Variants in SLC22A23 observed in about 807,000 individuals in gnomAD.
SLC22A23 encodes the protein ion transporter protein.
SLC22A23 carries 26 observed loss-of-function variants against 61.0 expected under a neutral mutation model. That is an observed-to-expected ratio of 0.43 (90% CI 0.31 to 0.59). SLC22A23 has a LOEUF of 0.59. SLC22A23 is among the 20% of genes least tolerant of loss of function. The pLI is 0.11. For synonymous variants in SLC22A23, 430 were observed against 413.9 expected (o/e 1.04, Z -0.47); for missense variants, 796 against 934.7 (o/e 0.85, Z 1.94).
intron 5 of SLC22A23, among the ~76,000 whole-genome samples, chr6:3,293,516 TCAGA>T (rs60793687): frequency 0.092 from 14,028 of 152,278 alleles, 816 homozygotes; most frequent in African/African-American, 0.15. Context: ...CGAAGTCACC[TCAGA>T]CAGCACAATC....
chr6:3,295,295 CA>C (rs1207204690), intron 5 of SLC22A23, among the ~76,000 whole-genome samples: 1 of 126,838 alleles, frequency 7.9e-6, no homozygotes, highest in Non-Finnish European at 1.5e-5. Context: ...AGGAGCTGGG[CA>C]AGGCAAGAGT....
rs80249313 is a variant in SLC22A23, at chr6:3,288,338, A to G, written c.1314-1247T>C. 3.8e-3 allele frequency among the ~76,000 whole-genome samples: 573 copies of G among 152,344 alleles called. 6 individuals carry two copies. Among genetic ancestry groups the G allele is most frequent in the African/African-American group, 0.013 (532 of 41,586 alleles). The stretch of plus-strand genomic sequence containing the variant: ...CCTTCTCATCTAACCTTGAGAATGC[A>G]TCAAGGTCAACTGTAACAGACCCCG... On this transcript the variant is annotated intron_variant, in intron 6 of 9. Coordinates refer to ENST00000406686, the MANE Select transcript of SLC22A23 (RefSeq NM_015482.2).
chr6:3,277,117 C>CAAGT (rs1758982830), intron 9 of SLC22A23: 1 of 152,452 alleles, frequency 6.6e-6, no homozygotes, highest in Non-Finnish European at 1.5e-5. Flanking sequence ...AGGGGCCACC[C>CAAGT]AAGTCTTTCA....
rs112065429 is a variant in SLC22A23, at chr6:3,273,105, C to T, written c.2011G>A (p.Gly671Ser). The T allele has an allele frequency of 2.6e-4, 412 of 1,597,822 alleles. 4 individuals are homozygous for T. In the African/African-American group the frequency reaches 4.5e-3, roughly 18 times the overall value. Reference protein sequence around the residue: ...YSGLHDAAAAGDTLPEGATAN... With the variant: ...YSGLHDAAAASDTLPEGATAN... The stretch of plus-strand genomic sequence containing the variant: ...GTGGCACCCTCGGGCAGTGTGTCAC[C>T]CGCGGCTGCGGCATCGTGGAGGCCC... The change falls in exon 10 of 10, where the codon GGT becomes AGT. Residue 671 changes from glycine to serine, a missense_variant. By Grantham distance (56) the Gly-to-Ser change is moderately conservative. Transcript: ENST00000406686.
chr6:3,402,552 C>A (rs1156267870), intron 3 of SLC22A23, among the ~76,000 whole-genome samples: 3 of 118,706 alleles, frequency 2.5e-5, no homozygotes, highest in Non-Finnish European at 3.6e-5. Context: ...CTGCAGCCCA[C>A]TCCAATCATC....
intron 3 of SLC22A23, among the ~76,000 whole-genome samples, chr6:3,361,189 ACTGT>A (rs1237914256): frequency 3.3e-5 from 5 of 150,962 alleles, no homozygotes; most frequent in African/African-American, 1.2e-4. Context: ...CACCCCCTCA[ACTGT>A]CTTTCTACTG....
intron 3 of SLC22A23, among the ~76,000 whole-genome samples, chr6:3,368,799 T>C (rs1330447987): frequency 6.6e-6 from 1 of 152,112 alleles, no homozygotes; most frequent in Non-Finnish European, 1.5e-5. Flanking sequence ...GGAAGTCCAA[T>C]CAGGCCAGGC....
chr6:3,377,640 C>T (rs1766663257), intron 3 of SLC22A23, among the ~76,000 whole-genome samples: 1 of 147,290 alleles, frequency 6.8e-6, no homozygotes, highest in African/African-American at 2.5e-5. Context: ...CTCCAAGTCT[C>T]GCACTGAACG....
chr6:3,432,710 A>G (rs904645701), intron 1 of SLC22A23, among the ~76,000 whole-genome samples: 1 of 152,226 alleles, frequency 6.6e-6, no homozygotes, highest in African/African-American at 2.4e-5. Flanking sequence ...AGTGGCTGGC[A>G]AACTTGAAGC....
Position 3,329,762 on chromosome 6 carries a change from T to C in SLC22A23, c.914-5760A>G, listed in dbSNP as rs1313089693. Among the ~76,000 whole-genome samples the C allele has an allele frequency of 2.0e-5, 3 of 152,168 alleles. No homozygotes were observed. The highest frequency in any genetic ancestry group is 2.0e-4 in the Admixed American group (3 of 15,282). On this transcript the variant is annotated intron_variant, in intron 3 of 9. Transcript: ENST00000406686. This position sits in a 1 kb window ranked among gnomAD's most constrained non-coding sequence, Gnocchi z 4.8. ...TACTGAAGCCACGGAAGGCTTCCTATGTGTCGCTGGCCTCACAGACATGAG... is the reference window on the plus strand; with the variant it reads ...TACTGAAGCCACGGAAGGCTTCCTACGTGTCGCTGGCCTCACAGACATGAG...
intron 1 of SLC22A23, among the ~76,000 whole-genome samples, chr6:3,448,539 C>T (rs979976925): frequency 6.6e-6 from 1 of 152,060 alleles, no homozygotes; most frequent in Non-Finnish European, 1.5e-5. Flanking sequence ...GTCCCCCAGA[C>T]AGTTAGTGCA....
chr6:3,344,525 TG>T (rs1349812638), intron 3 of SLC22A23, among the ~76,000 whole-genome samples: 1 of 152,198 alleles, frequency 6.6e-6, no homozygotes, highest in Non-Finnish European at 1.5e-5. Flanking sequence ...GTTAAGAACC[TG>T]GGCTCTGGGG....
chr6:3,363,751 T>C (rs1342483362), intron 3 of SLC22A23, among the ~76,000 whole-genome samples: 1 of 152,244 alleles, frequency 6.6e-6, no homozygotes, highest in African/African-American at 2.4e-5. Flanking sequence ...GGTATTTTTC[T>C]GGGGTGGTGG....
intron 4 of SLC22A23, chr6:3,323,188 G>A: frequency 2.2e-6 from 1 of 453,932 alleles, no homozygotes; most frequent in East Asian, 6.9e-5. Context: ...ATATTAGACT[G>A]ATATTGAGCA....
chr6:3,356,646 G>C (rs1320051336), intron 3 of SLC22A23, among the ~76,000 whole-genome samples: 1 of 152,170 alleles, frequency 6.6e-6, no homozygotes, highest in Non-Finnish European at 1.5e-5. Context: ...TAAGCCTGAA[G>C]CTTTGTTGTA....
intron 1 of SLC22A23, among the ~76,000 whole-genome samples, chr6:3,434,522 T>C (rs1422636240): frequency 6.6e-6 from 1 of 151,414 alleles, no homozygotes; most frequent in African/African-American, 2.4e-5. Context: ...GGCAGGAGAA[T>C]CGCTTGAATC....
chr6:3,393,814 G>T (rs1028740445), intron 3 of SLC22A23, among the ~76,000 whole-genome samples: 3 of 152,166 alleles, frequency 2.0e-5, no homozygotes, highest in African/African-American at 7.2e-5. Flanking sequence ...TCCTTCATTC[G>T]GAGTTACCTC....
At chr6:3,314,547 G>T (rs1762528991) in intron 4 of SLC22A23, among the ~76,000 whole-genome samples, 1 of 152,122 alleles carries the variant, frequency 6.6e-6, no homozygotes, top group Non-Finnish European at 1.5e-5. Context: ...TGCTTAGCAG[G>T]GTTTAAGAAA....
intron 1 of SLC22A23, chr6:3,432,143 G>T: frequency 1.1e-6 from 1 of 928,326 alleles, no homozygotes; most frequent in Non-Finnish European, 1.3e-6. Flanking sequence ...GTTCCTCAGT[G>T]TAGAGGCGGT....
Sources: gnomAD v4.1 joint callset for allele counts (sites outside exome capture counted in the v4.1 genomes callset) on GRCh38, gnomAD v4.1.1 for gene constraint, Gnocchi (gnomAD v3.1) non-coding constraint, MANE v1.5 for transcripts, NCBI Gene and HGNC (gene_info 2026-07-23, HGNC 2026-07-21) for gene names.